The following HEATR5A variants were observed in gnomAD, a reference collection of about 807,000 sequenced individuals.
The protein encoded by HEATR5A is HEAT repeat-containing protein 5A.
In HEATR5A, 178 loss-of-function variants were observed where a neutral mutation model predicts 218.8. That is an observed-to-expected ratio of 0.81 (90% CI 0.72 to 0.92). The LOEUF (loss-of-function observed/expected upper bound fraction) is 0.92. HEATR5A is among the 40% of genes least tolerant of loss of function. The pLI is 0.00. For missense variants in HEATR5A, 2,420 were observed against 2,418.9 expected (o/e 1.00, Z -0.01); for synonymous variants, 864 against 871.6 (o/e 0.99, Z 0.15).
At chr14:31,308,819 G>A (rs1899639525) in intron 29 of HEATR5A, 115 bp downstream of exon 29, 2 of 742,652 alleles carry the variant, frequency 2.7e-6, no homozygotes, top group African/African-American at 1.8e-5. Context: ...TTGTGAGCTT[G>A]AGTTGAAATC....
chr14:31,316,071 C>G, intron 26 of HEATR5A, 122 bp from the exon 27 acceptor site: 1 of 704,518 alleles, frequency 1.4e-6, no homozygotes, highest in Non-Finnish European at 2.2e-6. Context: ...TCGCTTGAGC[C>G]CAGGAGTTTG....
intron 25 of HEATR5A, among the ~76,000 whole-genome samples, chr14:31,319,656 C>T (rs1459599563): frequency 5.9e-5 from 9 of 152,188 alleles, no homozygotes; most frequent in Non-Finnish European, 7.3e-5. Context: ...GATTACAAGA[C>T]AGCTAATGAT....
At chr14:31,346,843 G>T (rs143082656) in intron 19 of HEATR5A, among the ~76,000 whole-genome samples, 1 of 152,164 alleles carries the variant, frequency 6.6e-6, no homozygotes, top group Non-Finnish European at 1.5e-5. Flanking sequence ...CAGATAAGAC[G>T]ACAGAAGGGG....
intron 27 of HEATR5A, 70 bp from the exon 28 acceptor site, chr14:31,313,260 C>A: frequency 1.7e-6 from 2 of 1,188,958 alleles, no homozygotes; most frequent in Non-Finnish European, 1.2e-6. Flanking sequence ...ATTTTTATAT[C>A]TTCCTGAAGA....
At chr14:31,390,778 CT>C (rs2139289189) in intron 6 of HEATR5A, among the ~76,000 whole-genome samples, 1 of 152,234 alleles carries the variant, frequency 6.6e-6, no homozygotes, top group South Asian at 2.1e-4. Context: ...GTACATAATA[CT>C]TGATAATAAA....
chr14:31,349,417 T>G (rs978718051), intron 18 of HEATR5A, among the ~76,000 whole-genome samples: 4 of 152,140 alleles, frequency 2.6e-5, no homozygotes, highest in African/African-American at 9.6e-5. Flanking sequence ...ACCGTTTGTT[T>G]CCTCATCTGC....
intron 33 of HEATR5A, among the ~76,000 whole-genome samples, chr14:31,299,152 G>A (rs1899284541): frequency 6.6e-6 from 1 of 152,164 alleles, no homozygotes; most frequent in Non-Finnish European, 1.5e-5. Flanking sequence ...AGTCCAGAAA[G>A]TATCTCTAGC....
intron 13 of HEATR5A, among the ~76,000 whole-genome samples, chr14:31,367,443 A>C (rs893985986): frequency 6.6e-6 from 1 of 151,896 alleles, no homozygotes; most frequent in Non-Finnish European, 1.5e-5. Context: ...TCTGTTACCC[A>C]GGCTGGAGTG....
chr14:31,387,209 G>A lies in HEATR5A; in HGVS notation c.1100C>T (p.Thr367Ile), dbSNP rs767058876. 4 of 1,613,818 alleles carry A rather than the reference G, an allele frequency of 2.5e-6. No homozygotes were observed. The highest frequency in any genetic ancestry group is 3.4e-6 in the Non-Finnish European group (4 of 1,179,874). Reference protein sequence around the residue: ...CRRCVSFILRTTIGGLLGEKA... With the variant: ...CRRCVSFILRITIGGLLGEKA... ...TTCTCCAAGAAGACCACCTATAGTA[G>A]TTCGAAGAATAAATGAAACACAACG... Residue 367 changes from threonine to isoleucine, a missense_variant, in exon 8 of 36, where the codon ACT becomes ATT. By Grantham distance (89) the Thr-to-Ile change is moderately conservative. Coordinates refer to ENST00000543095, the MANE Select transcript of HEATR5A (RefSeq NM_015473.4).
Position 31,337,615 on chromosome 14 carries a change from C to T in HEATR5A, c.3229-1G>A, listed in dbSNP as rs1335858162. The stretch of plus-strand genomic sequence containing the variant: ...ACAAGTAGGGGCTACAAAGATTCAC[C>T]TGAAAAATACCATTTGAGGAACGAC... On this transcript the variant is annotated splice_acceptor_variant, in intron 21 of 35. Transcript: ENST00000543095. LOFTEE classifies it high-confidence loss of function. 3.1e-6 allele frequency: 5 copies of T among 1,598,558 alleles called. No homozygotes were observed. The highest frequency in any genetic ancestry group is 4.3e-6 in the Non-Finnish European group (5 of 1,172,128).
chr14:31,347,305 C>T (rs754974281), intron 19 of HEATR5A, among the ~76,000 whole-genome samples: 12 of 152,262 alleles, frequency 7.9e-5, no homozygotes, highest in African/African-American at 4.8e-5. Context: ...TCTGTCTCCC[C>T]GGCTCAAGCC....
chr14:31,302,198 A>G, intron 33 of HEATR5A, 97 bp downstream of exon 33: 1 of 751,198 alleles, frequency 1.3e-6, no homozygotes, highest in Non-Finnish European at 2.3e-6. Context: ...TCTAGGTGAT[A>G]TGGCCAAATA....
chr14:31,314,838 C>T (rs1899865835), intron 27 of HEATR5A, among the ~76,000 whole-genome samples: 1 of 152,192 alleles, frequency 6.6e-6, no homozygotes, highest in Non-Finnish European at 1.5e-5. Context: ...GTTGGTTAAT[C>T]TCTTAGATGA....
At chr14:31,313,761 TTAAA>T (rs1215937775) in intron 27 of HEATR5A, among the ~76,000 whole-genome samples, 1 of 152,172 alleles carries the variant, frequency 6.6e-6, no homozygotes, top group Non-Finnish European at 1.5e-5. Flanking sequence ...GTGAGGCCAT[TTAAA>T]TCTATATACA....
At chr14:31,380,898 C>T (rs1377132900) in intron 10 of HEATR5A, among the ~76,000 whole-genome samples, 1 of 152,148 alleles carries the variant, frequency 6.6e-6, no homozygotes, top group African/African-American at 2.4e-5. Flanking sequence ...GAGCAACTAT[C>T]CTTTTAAATC....
Position 31,349,849 on chromosome 14 carries a change from A to G in HEATR5A, c.2648T>C (p.Leu883Ser), listed in dbSNP as rs758738831. 5.0e-6 allele frequency: 8 copies of G among 1,613,104 alleles called. No individual in the cohort carries two copies. In the Admixed American group the frequency reaches 1.3e-4, roughly 27 times the overall value. Residue 883 changes from leucine to serine, a missense_variant, in exon 18 of 36, where the codon TTA (leucine) becomes TCA (serine). Coordinates refer to ENST00000543095, the MANE Select transcript of HEATR5A (RefSeq NM_015473.4). The stretch of plus-strand genomic sequence containing the variant: ...AGCTCCATCATCTACCACTTGGGCT[A>G]ATCTAGCCCATGACTCTGCAGCTGC... ...RCAAAESWAR[L>S]AQVVDDGAFT... is the part of the protein sequence containing the mutation.
chr14:31,336,213 C>CACACACACACAT (rs758047507), intron 22 of HEATR5A, among the ~76,000 whole-genome samples: 15 of 90,740 alleles, frequency 1.7e-4, no homozygotes, highest in African/African-American at 4.3e-4. Context: ...TATATACATA[C>CACACACACACAT]ATACATATAT....
At position 31,380,527 on chromosome 14, in the gene HEATR5A, G is replaced by A. The variant is rs764531121; in HGVS notation, c.1648C>T (p.Arg550Cys). The change falls in exon 11 of 36, where the codon CGC (arginine) becomes TGC (cysteine). Residue 550 changes from arginine (R) to cysteine (C), a missense_variant. Arg to Cys is a radical substitution (Grantham distance 180). Transcript: ENST00000543095. ...DLLCSAAQNS[R>C]LSAQRTQAGW... is the part of the protein sequence containing the mutation. ...GCTTGTGTGCGCTGAGCTGAAAGGCGACTGTTTTGAGCAGCAGAACACAGC... is the reference window on the plus strand; with the variant it reads ...GCTTGTGTGCGCTGAGCTGAAAGGCAACTGTTTTGAGCAGCAGAACACAGC... 40 of 1,608,040 alleles carry A rather than the reference G, an allele frequency of 2.5e-5. No homozygotes were observed. Among genetic ancestry groups the A allele is most frequent in the Non-Finnish European group, 3.3e-5 (39 of 1,177,208 alleles).
intron 17 of HEATR5A, 41 bp downstream of exon 17, chr14:31,350,571 A>G (rs1200337549): frequency 8.7e-7 from 1 of 1,152,264 alleles, no homozygotes; most frequent in Non-Finnish European, 1.2e-6. Context: ...AAATTTTTTA[A>G]AAAATGAAGC....
Sources: gnomAD v4.1 joint callset for allele counts (sites outside exome capture counted in the v4.1 genomes callset) on GRCh38, gnomAD v4.1.1 for gene constraint, MANE v1.5 for transcripts, NCBI Gene and HGNC (gene_info 2026-07-23, HGNC 2026-07-21) for gene names.